Variants in MYO10 observed in about 807,000 individuals in gnomAD.
MYO10 encodes the protein myosin X.
A neutral mutation model predicts 257.3 loss-of-function variants in MYO10; 133 were observed. That is an observed-to-expected ratio of 0.52 (90% CI 0.45 to 0.60). MYO10 has a LOEUF of 0.60. Ranked by LOEUF, MYO10 falls within the 20% of genes least tolerant of loss-of-function variation. The pLI, the probability that MYO10 is intolerant of heterozygous loss-of-function variation, is 0.00. For missense variants in MYO10, 2,399 were observed against 2,635.7 expected, an observed-to-expected ratio of 0.91 and a Z score of 1.97; for synonymous variants, 1,104 against 1,028.6, an observed-to-expected ratio of 1.07 and a Z score of -1.40.
rs751833084 is a variant in MYO10 at position 16,689,798 on chromosome 5, A to G, written c.3896+26T>C. The stretch of plus-strand genomic sequence containing the variant: ...TGCATGAGGGAGCAGGATGTGGGTA[A>G]CACAAAGTCAACAGCGCAGACTCAC... On this transcript the variant is annotated intron_variant, in intron 28 of 40. Coordinates refer to ENST00000513610, the MANE Select transcript of MYO10 (RefSeq NM_012334.3). The G allele has an allele frequency of 4.5e-6, 7 of 1,558,276 alleles. No homozygotes were observed. The Admixed American group carries it at 5.0e-5, about 11-fold the overall frequency.
rs779146798 is a variant in MYO10, at chr5:16,794,777, C to T, written c.336G>A (p.Leu112=). The T allele has an allele frequency of 1.9e-6, 3 of 1,605,080 alleles. No individual in the cohort carries two copies. Among genetic ancestry groups the T allele is most frequent in the Non-Finnish European group, 2.6e-6 (3 of 1,175,968 alleles). The change falls in exon 4 of 41, where the codon CTG becomes CTA. Residue 112 remains leucine (L), a synonymous_variant. Transcript: ENST00000513610. The stretch of plus-strand genomic sequence containing the variant: ...ACTGCTCCATGGTGGCAGGCTCGTA[C>T]AGCCCGGCGATGGGCTGGTAGGGGT... The part of the protein sequence containing the change: ...SVNPYQPIAG[L]YEPATMEQYS...
intron 2 of MYO10, among the ~76,000 whole-genome samples, chr5:16,857,705 C>A (rs898250981): frequency 6.6e-6 from 1 of 152,178 alleles, no homozygotes; most frequent in Admixed American, 6.5e-5. Context: ...AGTTTTGCCA[C>A]GGGCTACTTT....
intron 3 of MYO10, among the ~76,000 whole-genome samples, chr5:16,812,437 A>G (rs1305126439): frequency 6.6e-6 from 1 of 152,166 alleles, no homozygotes. Context: ...ATGCACCCAC[A>G]GGAATAGCTA....
chr5:16,821,134 A>T (rs978588504), intron 2 of MYO10, among the ~76,000 whole-genome samples: 95 of 147,832 alleles, frequency 6.4e-4, no homozygotes, highest in African/African-American at 2.3e-3. Flanking sequence ...ATATGTATGT[A>T]TATGTATGTA....
rs1560974339 is a variant in MYO10 at position 16,767,508 on chromosome 5, A to C, written c.1061-1310T>G. Among the ~76,000 whole-genome samples, 4 of 152,038 alleles carry C rather than the reference A, an allele frequency of 2.6e-5. 1 individual carries two copies. Among genetic ancestry groups the C allele is most frequent in the African/African-American group, 7.2e-5 (3 of 41,410 alleles). On this transcript the variant is annotated intron_variant, in intron 10 of 40. Transcript: ENST00000513610. ...CTTTCAATATGCCAGACATTAAAGAAATTTGCAAAAAGATAAGACAATGTG... is the reference window on the plus strand; with the variant it reads ...CTTTCAATATGCCAGACATTAAAGACATTTGCAAAAAGATAAGACAATGTG...
Position 16,673,667 on chromosome 5 carries a change from G to C in MYO10, c.5172+15C>G, listed in dbSNP as rs545857915. The C allele has an allele frequency of 2.0e-4, 321 of 1,609,442 alleles. No homozygotes were observed. The highest frequency in any genetic ancestry group is 2.5e-4 in the Non-Finnish European group (294 of 1,177,588). On this transcript the variant is annotated intron_variant, in intron 36 of 40. Coordinates refer to ENST00000513610, the MANE Select transcript of MYO10 (RefSeq NM_012334.3). The stretch of plus-strand genomic sequence containing the variant: ...AAGGCATCTAACAGAACAAGCAGCA[G>C]CTGCCTCTCCTCACCTCCCCAGCGG...
At chr5:16,878,627 T>C (rs959159215) in intron 1 of MYO10, among the ~76,000 whole-genome samples, 1 of 152,182 alleles carries the variant, frequency 6.6e-6, no homozygotes, top group African/African-American at 2.4e-5. Context: ...GGTCAAAGAA[T>C]TACCTTCATG....
chr5:16,690,705 C>T (rs1056773432), intron 27 of MYO10, among the ~76,000 whole-genome samples: 1 of 152,044 alleles, frequency 6.6e-6, no homozygotes, highest in Non-Finnish European at 1.5e-5. Context: ...AAGGCCAGGG[C>T]ATCTGCGTCT....
rs1173781298 is a variant in MYO10 at position 16,758,193 on chromosome 5, A to C, written c.1773T>G (p.Val591=). 4 of 1,613,574 alleles carry C rather than the reference A, an allele frequency of 2.5e-6. No individual in the cohort carries two copies. The Admixed American group carries it at 5.0e-5, about 20-fold the overall frequency. The change falls in exon 18 of 41, where the codon GTT becomes GTG. Residue 591 remains valine, a synonymous_variant. Coordinates refer to ENST00000513610, the MANE Select transcript of MYO10 (RefSeq NM_012334.3). ...FDFIYDLFEH[V]SSRNNQDTLK... ...AGGTATCCTGGTTGTTGCGGCTTGA[A>C]ACATGTTCAAAAAGATCGTAGATAA...
intron 1 of MYO10, among the ~76,000 whole-genome samples, chr5:16,883,374 A>T (rs899802339): frequency 8.5e-5 from 13 of 152,174 alleles, no homozygotes; most frequent in Admixed American, 7.9e-4. Context: ...TAATGATGAA[A>T]TTCAAGGGCC....
At chr5:16,828,058 A>G (rs558430855) in intron 2 of MYO10, among the ~76,000 whole-genome samples, 4 of 152,244 alleles carry the variant, frequency 2.6e-5, no homozygotes, top group African/African-American at 7.2e-5. Context: ...CTTACTGGCT[A>G]TGAGTCCCTG....
At chr5:16,801,801 C>G (rs1742128598) in intron 3 of MYO10, among the ~76,000 whole-genome samples, 1 of 152,112 alleles carries the variant, frequency 6.6e-6, no homozygotes, top group Admixed American at 6.5e-5. Context: ...GCCACTAACT[C>G]AAGGATGTTT....
intron 18 of MYO10, among the ~76,000 whole-genome samples, 198 bp from the exon 19 acceptor site, chr5:16,755,106 A>G (rs1414657484): frequency 6.6e-6 from 1 of 152,250 alleles, no homozygotes; most frequent in Non-Finnish European, 1.5e-5. Context: ...AATTGAAATT[A>G]TTCGATAATA....
At chr5:16,814,525 A>T (rs1742544852) in intron 3 of MYO10, 1 of 152,228 alleles carries the variant, frequency 6.6e-6, no homozygotes, top group African/African-American at 2.4e-5. Context: ...TCTCTGGAAC[A>T]ATTCAAGTCA....
intron 1 of MYO10, among the ~76,000 whole-genome samples, chr5:16,926,046 C>G (rs1208379473): frequency 6.6e-6 from 1 of 151,992 alleles, no homozygotes; most frequent in Non-Finnish European, 1.5e-5. Flanking sequence ...TTTGAATATC[C>G]CTAGCATAAA....
In MYO10 at chr5:16,715,352, C is replaced by T. The variant is rs1374239024; in HGVS notation, c.1930-4107G>A. On this transcript the variant is annotated intron_variant, in intron 19 of 40. Coordinates refer to ENST00000513610, the MANE Select transcript of MYO10 (RefSeq NM_012334.3). ...TACCACATAATGATGTTTCAGTCAA[C>T]GACAGACTACAGATATGGCGATGGT... Among the ~76,000 whole-genome samples the T allele has an allele frequency of 7.4e-5, 11 of 148,124 alleles. No homozygotes were observed. The East Asian group carries it at 9.9e-4, about 13-fold the overall frequency.
At chr5:16,903,882 T>G (rs1284663886) in intron 1 of MYO10, among the ~76,000 whole-genome samples, 1 of 152,214 alleles carries the variant, frequency 6.6e-6, no homozygotes, top group African/African-American at 2.4e-5. Flanking sequence ...CTGAAGTATT[T>G]GAAAATGACA....
At chr5:16,781,903 A>G (rs1235064830) in intron 5 of MYO10, 74 bp from the exon 6 acceptor site, 6 of 1,519,880 alleles carry the variant, frequency 3.9e-6, no homozygotes, top group Non-Finnish European at 5.4e-6. Context: ...CTTCTCACAA[A>G]TGTCAAAATA....
intron 9 of MYO10, among the ~76,000 whole-genome samples, chr5:16,775,008 C>T (rs1741173989): frequency 6.6e-6 from 1 of 152,170 alleles, no homozygotes; most frequent in African/African-American, 2.4e-5. Context: ...ACGCTGTAAA[C>T]ATTCGATATT....
Sources: gnomAD v4.1 joint callset for allele counts (sites outside exome capture counted in the v4.1 genomes callset) on GRCh38, gnomAD v4.1.1 for gene constraint, MANE v1.5 for transcripts, NCBI Gene and HGNC (gene_info 2026-07-23, HGNC 2026-07-21) for gene names.